Variants in DLC1 observed in about 807,000 individuals in gnomAD.
DLC1 encodes rho GTPase-activating protein 7.
DLC1 carries 54 observed loss-of-function variants against 140.3 expected under a neutral mutation model. The observed-to-expected ratio is 0.38, with a 90% CI of 0.31 to 0.48. The LOEUF (loss-of-function observed/expected upper bound fraction) is 0.48. Among genes scored for constraint, DLC1 ranks in the 20% least tolerant of loss-of-function variants. The pLI is 0.96. For missense variants in DLC1, 2,536 were observed against 1,907.0 expected, an observed-to-expected ratio of 1.33 and a Z score of -6.14; for synonymous variants, 986 against 728.1, an observed-to-expected ratio of 1.35 and a Z score of -5.70.
At chr8:13,125,230 GC>G (rs1300277393) in intron 5 of DLC1, among the ~76,000 whole-genome samples, 1 of 152,148 alleles carries the variant, frequency 6.6e-6, no homozygotes, top group Non-Finnish European at 1.5e-5. Context: ...ATCCGCCTTG[GC>G]CTCCCAAAGT....
upstream of DLC1, among the ~76,000 whole-genome samples, chr8:13,517,706 A>T (rs537564858): frequency 1.3e-4 from 20 of 152,328 alleles, no homozygotes; most frequent in African/African-American, 4.8e-4. Flanking sequence ...TCTGTACTGG[A>T]TCAGCTAATC....
At chr8:13,403,670 C>T (rs945723989) in intron 2 of DLC1, among the ~76,000 whole-genome samples, 9 of 152,050 alleles carry the variant, frequency 5.9e-5, no homozygotes, top group African/African-American at 2.2e-4. Flanking sequence ...AGGTCTCACT[C>T]TGTTGCCCAG....
At chr8:13,120,366 T>TATATATATAC (rs2128954591) in intron 5 of DLC1, among the ~76,000 whole-genome samples, 1 of 105,342 alleles carries the variant, frequency 9.5e-6, no homozygotes, top group African/African-American at 3.4e-5. Flanking sequence ...AATATATATA[T>TATATATATAC]ATATAAAATG....
intron 3 of DLC1, among the ~76,000 whole-genome samples, chr8:13,401,103 C>A (rs538368317): frequency 1.3e-5 from 2 of 152,134 alleles, no homozygotes; most frequent in South Asian, 4.1e-4. Context: ...CTTCTATATG[C>A]AATACAGATT....
chr8:13,190,535 T>A (rs1399716713), intron 5 of DLC1, among the ~76,000 whole-genome samples: 1 of 152,220 alleles, frequency 6.6e-6, no homozygotes, highest in Non-Finnish European at 1.5e-5. Flanking sequence ...AAACAATGAA[T>A]TATACTGACA....
chr8:13,405,086 T>C (rs951601942), intron 2 of DLC1, among the ~76,000 whole-genome samples: 1 of 152,080 alleles, frequency 6.6e-6, no homozygotes, highest in Non-Finnish European at 1.5e-5. Flanking sequence ...CTCTCGTCCT[T>C]GCTCTATTTA....
chr8:13,308,926 T>C (rs949113238), intron 4 of DLC1, among the ~76,000 whole-genome samples: 26 of 152,200 alleles, frequency 1.7e-4, no homozygotes, highest in African/African-American at 6.3e-4. Flanking sequence ...GTCATATCTA[T>C]TTCTGGGCTC....
At chr8:13,364,934 C>T (rs568529857) in intron 4 of DLC1, among the ~76,000 whole-genome samples, 1 of 152,292 alleles carries the variant, frequency 6.6e-6, no homozygotes, top group Admixed American at 6.5e-5. Flanking sequence ...GTTTTCTGTC[C>T]TTAAAAGGAC....
At chr8:13,194,025 T>G (rs1826910868) in intron 5 of DLC1, among the ~76,000 whole-genome samples, 2 of 152,208 alleles carry the variant, frequency 1.3e-5, no homozygotes, top group Admixed American at 6.5e-5. Flanking sequence ...AGTAATTTAT[T>G]AGAGAGTCAA....
At chr8:13,196,531 G>T (rs1050171998) in intron 5 of DLC1, among the ~76,000 whole-genome samples, 1 of 152,090 alleles carries the variant, frequency 6.6e-6, no homozygotes. Context: ...TATGAACCAT[G>T]AATTATGTTT....
At chr8:13,152,898 A>T (rs1005178029) in intron 5 of DLC1, among the ~76,000 whole-genome samples, 1 of 151,080 alleles carries the variant, frequency 6.6e-6, no homozygotes, top group African/African-American at 2.4e-5. Flanking sequence ...TGCCTTAGAG[A>T]ATTAGTTGGT....
At chr8:13,569,360 C>T (rs1804565899) in intron 1 of DLC1, among the ~76,000 whole-genome samples, 1 of 4,064 alleles carries the variant, frequency 2.5e-4, no homozygotes, top group Non-Finnish European at 0.011. Context: ...TATAAAGATA[C>T]TATTTTTTTC....
intron 5 of DLC1, among the ~76,000 whole-genome samples, chr8:13,264,536 G>A (rs1256240656): frequency 6.6e-6 from 1 of 152,166 alleles, no homozygotes; most frequent in Non-Finnish European, 1.5e-5. Flanking sequence ...TATAAAGCCA[G>A]TATGAGAGTG....
chr8:13,561,446 A>T (rs34262070), intron 1 of DLC1, among the ~76,000 whole-genome samples: 34,002 of 152,122 alleles, frequency 0.22, 4,127 homozygotes, highest in East Asian at 0.33. Context: ...CCTAAAGCAG[A>T]AATTATTTAA....
intron 4 of DLC1, among the ~76,000 whole-genome samples, chr8:13,393,074 T>C (rs1227745284): frequency 6.6e-6 from 1 of 152,138 alleles, no homozygotes; most frequent in Non-Finnish European, 1.5e-5. Flanking sequence ...TATCTGTCTA[T>C]CCATCCATCT....
At position 13,098,496 on chromosome 8, in the gene DLC1, A is replaced by C; in HGVS notation, c.3070T>G (p.Ser1024Ala). 2 of 1,614,234 alleles carry C rather than the reference A, an allele frequency of 1.2e-6. No homozygotes were observed. The highest frequency in any genetic ancestry group is 2.2e-5 in the South Asian group (2 of 91,088). The change falls in exon 10 of 18, where the codon TCT becomes GCT. Residue 1024 changes from serine to alanine, a missense_variant. Physicochemically the swap from Ser to Ala is moderately conservative, Grantham distance 99. Transcript: ENST00000276297. ...NSVSLQINCQSVAQMNLLQKY... is the reference protein window; with the variant it reads ...NSVSLQINCQAVAQMNLLQKY... Reference sequence around the variant, plus strand: ...TGCAGCAGGTTCATCTGGGCCACAGACTGGCAGTTAATCTGTAGTGATACA... The same window carrying C: ...TGCAGCAGGTTCATCTGGGCCACAGCCTGGCAGTTAATCTGTAGTGATACA...
At chr8:13,453,552 A>ATG (rs1799251873) in intron 2 of DLC1, among the ~76,000 whole-genome samples, 3 of 75,780 alleles carry the variant, frequency 4.0e-5, no homozygotes, top group African/African-American at 2.4e-4. Context: ...ATATATATAT[A>ATG]TATATTTTTT....
At chr8:13,358,191 T>C (rs1031530175) in intron 4 of DLC1, among the ~76,000 whole-genome samples, 1 of 152,250 alleles carries the variant, frequency 6.6e-6, no homozygotes, top group African/African-American at 2.4e-5. Context: ...GATTCTTACT[T>C]AATTAACTAA....
intron 1 of DLC1, among the ~76,000 whole-genome samples, chr8:13,562,921 A>C (rs1395888233): frequency 2.0e-5 from 3 of 151,192 alleles, no homozygotes; most frequent in Admixed American, 6.6e-5. Flanking sequence ...CAAAAAAAAA[A>C]CGCCATAAAG....
Sources: allele counts gnomAD v4.1 joint callset (sites outside exome capture counted in the v4.1 genomes callset), GRCh38; gene constraint gnomAD v4.1.1; transcripts MANE v1.5; gene names NCBI Gene and HGNC (gene_info 2026-07-23, HGNC 2026-07-21).